MATR3: variants seen among roughly 807,000 people sequenced by gnomAD.
The protein encoded by MATR3 is matrin-3.
A neutral mutation model predicts 85.5 loss-of-function variants in MATR3; 4 were observed. That is an observed-to-expected ratio of 0.05 (90% confidence interval 0.02 to 0.11). The LOEUF is 0.11. MATR3 is among the 10% of genes least tolerant of loss of function. MATR3 has a pLI of 1.00. For missense variants in MATR3, 685 were observed against 1,016.1 expected, an observed-to-expected ratio of 0.67 and a Z score of 4.43; for synonymous variants, 336 against 343.1, an observed-to-expected ratio of 0.98 and a Z score of 0.23.
chr5:139,302,741 C>T (rs1226392901), intron 1 of MATR3, among the ~76,000 whole-genome samples: 1 of 152,188 alleles, frequency 6.6e-6, no homozygotes, highest in Admixed American at 6.5e-5. Flanking sequence ...TAGGTTAAGA[C>T]ATTTTTACTA....
intron 12 of MATR3, 91 bp downstream of exon 12, chr5:139,323,058 T>A (rs973826278): frequency 7.7e-7 from 1 of 1,300,466 alleles, no homozygotes; most frequent in Non-Finnish European, 1.1e-6. Flanking sequence ...GATAGAATTA[T>A]ATGATTTAAA....
chr5:139,308,934 C>T (rs951014529), intron 2 of MATR3, among the ~76,000 whole-genome samples: 2 of 152,022 alleles, frequency 1.3e-5, no homozygotes, highest in African/African-American at 2.4e-5. Context: ...TTTTCCACAA[C>T]TTTCTTAAAC....
At chr5:139,310,562 A>T (rs1163624392) in intron 2 of MATR3, 1 of 152,170 alleles carries the variant, frequency 6.6e-6, no homozygotes, top group Non-Finnish European at 1.5e-5. Flanking sequence ...AAATTTTTAA[A>T]CATTTAATCC....
chr5:139,274,133 G>T lies in MATR3; in HGVS notation c.-315G>T, dbSNP rs561562239. ...CCCTCCGGCCTCTGCCGGTGCTGCT[G>T]CGCCCTGCGGAGCTCCGAACACGTG... On this transcript the variant is annotated 5_prime_UTR_variant, in exon 1 of 17. Coordinates refer to ENST00000509990, the Ensembl canonical transcript of MATR3. 1.4e-5 allele frequency: 6 copies of T among 441,416 alleles called. No homozygotes were observed. The East Asian group carries it at 2.8e-4, about 21-fold the overall frequency. 27.3% of individuals were successfully genotyped at this position (441,416 alleles called of 1,614,324 possible).
At chr5:139,323,718 A>AC (rs1293165949) in intron 12 of MATR3, among the ~76,000 whole-genome samples, 1 of 152,020 alleles carries the variant, frequency 6.6e-6, no homozygotes, top group Non-Finnish European at 1.5e-5. Context: ...ACATGGTGAA[A>AC]CCCCGTCTCT....
At chr5:139,274,170 G>T (rs1332442261) in intron 1 of MATR3, 2 of 415,616 alleles carry the variant, frequency 4.8e-6, no homozygotes, top group African/African-American at 2.1e-5. Flanking sequence ...GCGTGAGTAA[G>T]GACCCAGAGG....
chr5:139,288,577 A>C (rs1451033895), intron 3 of MATR3, among the ~76,000 whole-genome samples: 1 of 152,216 alleles, frequency 6.6e-6, no homozygotes, highest in Non-Finnish European at 1.5e-5. Context: ...GAGTCACTGA[A>C]AAGTAAGATT....
exon 1 of MATR3, chr5:139,274,131 C>G (rs1003824824): frequency 3.1e-5 from 14 of 444,492 alleles, no homozygotes; most frequent in African/African-American, 2.9e-4. Context: ...GCCGGTGCTG[C>G]TGCGCCCTGC....
At chr5:139,283,181 A>G (rs1753592636) in intron 3 of MATR3, 1 of 152,302 alleles carries the variant, frequency 6.6e-6, no homozygotes, top group African/African-American at 2.4e-5. Context: ...AAAAGGGAGA[A>G]GCCAAGCCCA....
chr5:139,299,451 A>T (rs891738890), intron 1 of MATR3, among the ~76,000 whole-genome samples: 1 of 152,182 alleles, frequency 6.6e-6, no homozygotes, highest in Non-Finnish European at 1.5e-5. Flanking sequence ...AGGGAGGAGG[A>T]TCACTTGAAC....
intron 2 of MATR3, chr5:139,278,725 T>C (rs1753395477): frequency 2.1e-6 from 1 of 484,142 alleles, no homozygotes; most frequent in Non-Finnish European, 4.2e-6. Context: ...ATACGTCTTC[T>C]ACCTGGAGTG....
intron 3 of MATR3, chr5:139,283,720 TCTTG>T (rs1386857058): frequency 6.6e-6 from 1 of 152,280 alleles, no homozygotes; most frequent in Non-Finnish European, 1.5e-5. Context: ...AGGACACAGT[TCTTG>T]CTTATCTTGC....
At position 139,321,975 on chromosome 5, in the gene MATR3, G is replaced by A. The variant is rs2152007258; in HGVS notation, c.1680G>A (p.Gln560=). ...GTTTGAAAAAAGCCCTTTGGTTTCA[G>A]GGGAGATGTGTGAAGGTTGACCTGT... ...DHCLKKALWF[Q]GRCVKVDLSE... Residue 560 remains glutamine, a synonymous_variant, in exon 10 of 15, where the codon CAG becomes CAA. Coordinates refer to ENST00000394805, the MANE Select transcript of MATR3 (RefSeq NM_018834.6). 1 of 1,614,064 alleles carries A rather than the reference G, an allele frequency of 6.2e-7. No homozygotes were observed. The highest frequency in any genetic ancestry group is 8.5e-7 in the Non-Finnish European group (1 of 1,179,974).
intron 1 of MATR3, among the ~76,000 whole-genome samples, chr5:139,306,160 ATATTT>A (rs1368887958): frequency 6.6e-6 from 1 of 152,194 alleles, no homozygotes; most frequent in African/African-American, 2.4e-5. Flanking sequence ...CTTTCAACTA[ATATTT>A]TATGACAATC....
chr5:139,290,298 C>T (rs1328320101), upstream of MATR3, among the ~76,000 whole-genome samples: 1 of 151,862 alleles, frequency 6.6e-6, no homozygotes, highest in African/African-American at 2.4e-5. Context: ...CGAGCGCCAC[C>T]ACACCCAGCT....
chr5:139,327,571 G>A (rs939889956), intron 14 of MATR3, among the ~76,000 whole-genome samples: 3 of 151,946 alleles, frequency 2.0e-5, no homozygotes, highest in African/African-American at 4.8e-5. Context: ...ACAGGCATGC[G>A]CCACCATGCC....
At chr5:139,317,761 C>T in intron 7 of MATR3, 40 bp downstream of exon 7, 3 of 1,485,136 alleles carry the variant, frequency 2.0e-6, no homozygotes, top group African/African-American at 1.4e-5. Context: ...TTATTCATGC[C>T]ACTAATATAT....
chr5:139,274,835 G>A (rs1753209113), intron 1 of MATR3, among the ~76,000 whole-genome samples: 2 of 151,760 alleles, frequency 1.3e-5, no homozygotes, highest in Non-Finnish European at 2.9e-5. Context: ...TGAGGCAGGA[G>A]AATCGCTTGA....
At chr5:139,323,166 ACAT>A (rs1451277275) in intron 12 of MATR3, among the ~76,000 whole-genome samples, 199 bp downstream of exon 12, 1 of 152,216 alleles carries the variant, frequency 6.6e-6, no homozygotes, top group African/African-American at 2.4e-5. Context: ...TTGGCAAAAA[ACAT>A]CAGCTCAAAG....
Sources: gnomAD v4.1 joint callset for allele counts (sites outside exome capture counted in the v4.1 genomes callset) on GRCh38, gnomAD v4.1.1 for gene constraint, MANE v1.5 for transcripts, NCBI Gene and HGNC (gene_info 2026-07-23, HGNC 2026-07-21) for gene names.